The following PIP5K1B variants were observed in gnomAD, a reference collection of about 807,000 sequenced individuals.
PIP5K1B encodes the protein phosphatidylinositol 4-phosphate 5-kinase type-1 beta.
In PIP5K1B, 42 loss-of-function variants were observed where a neutral mutation model predicts 67.0. That is an observed-to-expected ratio of 0.63 (90% confidence interval 0.49 to 0.81). The LOEUF (loss-of-function observed/expected upper bound fraction) is 0.81. Ranked by LOEUF, PIP5K1B falls within the 30% of genes least tolerant of loss-of-function variation. The pLI is 0.00. For missense variants in PIP5K1B, 459 were observed against 646.3 expected, an observed-to-expected ratio of 0.71 and a Z score of 3.14; for synonymous variants, 214 against 231.4, an observed-to-expected ratio of 0.92 and a Z score of 0.68.
chr9:68,968,503 CAAA>C lies in PIP5K1B; in HGVS notation c.1503-22622_1503-22620del, dbSNP rs35997709. ...TGAGTGAGAGAGCAAGACTCTGTCT[CAAA>C]AAAAAAAAAAAAAACCTGTTCTAAT... On this transcript the variant is annotated intron_variant, in intron 14 of 15. Coordinates refer to ENST00000265382, the MANE Select transcript of PIP5K1B (RefSeq NM_003558.4). Among the ~76,000 whole-genome samples, 1,123 of 132,078 alleles carry C rather than the reference CAAA, an allele frequency of 8.5e-3. 12 individuals are homozygous for C. The highest frequency in any genetic ancestry group is 0.031 in the African/African-American group (1,064 of 34,674). 86.6% of individuals were successfully genotyped at this position (132,078 alleles called of 152,430 possible). A position where few individuals can be genotyped will look rare whatever the true frequency, so the allele number is the denominator to read the frequency against.
At chr9:68,925,748 T>A (rs989079117) in intron 12 of PIP5K1B, among the ~76,000 whole-genome samples, 4 of 150,162 alleles carry the variant, frequency 2.7e-5, no homozygotes, top group Admixed American at 1.3e-4. Context: ...TATAAGATAG[T>A]GTTTATTGAG....
At position 68,705,263 on chromosome 9, in the gene PIP5K1B, C is replaced by T. The variant is rs1011572582; in HGVS notation, c.-742C>T. Among the ~76,000 whole-genome samples the T allele has an allele frequency of 3.3e-5, 5 of 151,808 alleles. No homozygotes were observed. Among genetic ancestry groups the T allele is most frequent in the Non-Finnish European group, 5.9e-5 (4 of 67,906 alleles). Reference sequence around the variant, plus strand: ...CTCTCTCTGCGCCTCGCTCCGACTCCGGCGCGCACCAAGCGGGAACCCGCG... The same window carrying T: ...CTCTCTCTGCGCCTCGCTCCGACTCTGGCGCGCACCAAGCGGGAACCCGCG... On this transcript the variant is annotated 5_prime_UTR_variant, in exon 1 of 16. Transcript: ENST00000265382.
chr9:68,874,109 G>T (rs1294370414), intron 5 of PIP5K1B, among the ~76,000 whole-genome samples: 3 of 152,118 alleles, frequency 2.0e-5, no homozygotes, highest in Non-Finnish European at 2.9e-5. Flanking sequence ...TGTTAATTAC[G>T]CCATGAAGCA....
In PIP5K1B at chr9:68,789,530, T is replaced by C. The variant is rs887287143; in HGVS notation, c.-85-28931T>C. The C allele has an allele frequency of 1.7e-5, 9 of 517,392 alleles. No individual in the cohort carries two copies. In the African/African-American group the frequency reaches 1.8e-4, roughly 10 times the overall value. 32.1% of individuals were successfully genotyped at this position (517,392 alleles called of 1,614,324 possible). ...GACAGTGGTGAGGGGTAGGGATAACTGGAGGCACACTTTCTGCCTCAGTAG... is the reference window on the plus strand; with the variant it reads ...GACAGTGGTGAGGGGTAGGGATAACCGGAGGCACACTTTCTGCCTCAGTAG... On this transcript the variant is annotated intron_variant, in intron 2 of 15. Transcript: ENST00000265382.
Position 68,735,484 on chromosome 9 carries a change from G to A in PIP5K1B, c.-242-7017G>A, listed in dbSNP as rs62552061. ...GCTCACTGAAACCTCTGACTCCCGGGTTCAAGCTATTCTTGTGCCTTAGCC... is the reference window on the plus strand; with the variant it reads ...GCTCACTGAAACCTCTGACTCCCGGATTCAAGCTATTCTTGTGCCTTAGCC... On this transcript the variant is annotated intron_variant, in intron 1 of 15. Coordinates refer to ENST00000265382, the MANE Select transcript of PIP5K1B (RefSeq NM_003558.4). Among the ~76,000 whole-genome samples, 454 of 151,910 alleles carry A rather than the reference G, an allele frequency of 3.0e-3. 2 individuals are homozygous for A. Among genetic ancestry groups the A allele is most frequent in the Middle Eastern group, 0.01 (3 of 292 alleles).
At chr9:68,952,825 G>T (rs143904272) in intron 14 of PIP5K1B, among the ~76,000 whole-genome samples, 48 of 142,464 alleles carry the variant, frequency 3.4e-4, no homozygotes, top group Non-Finnish European at 4.5e-4. Context: ...CTGCCTGCCT[G>T]CCTTCCTTCC....
chr9:68,734,976 C>T (rs892396548), intron 1 of PIP5K1B, among the ~76,000 whole-genome samples: 3 of 152,184 alleles, frequency 2.0e-5, no homozygotes, highest in African/African-American at 4.8e-5. Context: ...TAGTGCCTTT[C>T]GGCCTATTTT....
chr9:68,998,987 G>A (rs1329071603), intron 15 of PIP5K1B, among the ~76,000 whole-genome samples: 2 of 152,154 alleles, frequency 1.3e-5, no homozygotes, highest in African/African-American at 4.8e-5. Context: ...TCTAGAGGCC[G>A]GATGTCTGAA....
In PIP5K1B at chr9:68,813,944, C is replaced by G. The variant is rs537830577; in HGVS notation, c.-85-4517C>G. Among the ~76,000 whole-genome samples, 23 of 152,358 alleles carry G rather than the reference C, an allele frequency of 1.5e-4. No individual in the cohort carries two copies. The South Asian group carries it at 4.3e-3, about 29-fold the overall frequency. On this transcript the variant is annotated intron_variant, in intron 2 of 15. Transcript: ENST00000265382. ...TCTCTGTCATTTGAAGCCACCCAGA[C>G]TGTCGTACTTTGTAGCGACAGCCCT...
intron 2 of PIP5K1B, chr9:68,781,010 T>G: frequency 6.2e-7 from 1 of 1,613,476 alleles, no homozygotes; most frequent in Non-Finnish European, 8.5e-7. Context: ...TTCCACTAGA[T>G]GAACTTTCGT....
chr9:68,981,342 A>G (rs958537744), intron 14 of PIP5K1B, among the ~76,000 whole-genome samples: 1 of 152,194 alleles, frequency 6.6e-6, no homozygotes, highest in Non-Finnish European at 1.5e-5. Flanking sequence ...TGTCCCTCAT[A>G]GTGAATCAAT....
intron 2 of PIP5K1B, among the ~76,000 whole-genome samples, chr9:68,814,832 A>G (rs1466025814): frequency 6.6e-6 from 1 of 152,116 alleles, no homozygotes; most frequent in Admixed American, 6.6e-5. Context: ...AAAAATTAAT[A>G]ATAATAATTA....
rs77416826 is a variant in PIP5K1B, at chr9:68,983,946, C to G, written c.1503-7194C>G. Among the ~76,000 whole-genome samples the G allele has an allele frequency of 2.2e-3, 337 of 152,292 alleles. 1 individual carries two copies. Among genetic ancestry groups the G allele is most frequent in the Non-Finnish European group, 3.4e-3 (228 of 68,034 alleles). ...TGGCACATGCCTTTAGTCCCAGCTA[C>G]TTGGGGGCTGAGGCAGGAGGATCAT... On this transcript the variant is annotated intron_variant, in intron 14 of 15. Transcript: ENST00000265382.
At chr9:68,824,681 T>A (rs1472711784) in intron 4 of PIP5K1B, among the ~76,000 whole-genome samples, 1 of 152,192 alleles carries the variant, frequency 6.6e-6, no homozygotes, top group Non-Finnish European at 1.5e-5. Flanking sequence ...CAGCCCTTAA[T>A]AAATATGGTA....
intron 8 of PIP5K1B, among the ~76,000 whole-genome samples, chr9:68,914,694 A>G (rs1213606851): frequency 3.3e-5 from 5 of 152,078 alleles, no homozygotes; most frequent in South Asian, 2.1e-4. Context: ...CAGCCTGGGC[A>G]ACAGAGCAAG....
At chr9:68,795,154 A>C (rs562782140) in intron 2 of PIP5K1B, among the ~76,000 whole-genome samples, 1 of 151,990 alleles carries the variant, frequency 6.6e-6, no homozygotes, top group East Asian at 1.9e-4. Flanking sequence ...TGTGTGTGAG[A>C]GAGAGAGAGA....
At chr9:68,979,022 TTGA>T (rs1829766927) in intron 14 of PIP5K1B, among the ~76,000 whole-genome samples, 1 of 152,240 alleles carries the variant, frequency 6.6e-6, no homozygotes, top group African/African-American at 2.4e-5. Context: ...CCTTGTTCCT[TTGA>T]TGAAATCAAA....
chr9:68,898,913 C>T (rs1229332122), intron 8 of PIP5K1B, among the ~76,000 whole-genome samples: 1 of 152,228 alleles, frequency 6.6e-6, no homozygotes, highest in African/African-American at 2.4e-5. Flanking sequence ...CCACTGCTGC[C>T]AGACTGATCC....
intron 14 of PIP5K1B, among the ~76,000 whole-genome samples, chr9:68,956,166 G>C (rs534068798): frequency 6.6e-6 from 1 of 152,280 alleles, no homozygotes; most frequent in South Asian, 2.1e-4. Flanking sequence ...ACTCTCAAAT[G>C]CATCGTTTGA....
Sources: gnomAD v4.1 joint callset for allele counts (sites outside exome capture counted in the v4.1 genomes callset) on GRCh38, gnomAD v4.1.1 for gene constraint, MANE v1.5 for transcripts, NCBI Gene and HGNC (gene_info 2026-07-23, HGNC 2026-07-21) for gene names.